Variants in NRXN3 observed in about 807,000 individuals in gnomAD.
NRXN3 encodes neurexin 3, also known as neurexin III.
Under a neutral mutation model 137.6 loss-of-function variants are expected in NRXN3, and 32 were observed. The observed-to-expected ratio is 0.23, with a 90% CI of 0.18 to 0.31. The LOEUF is 0.31. Among genes scored for constraint, NRXN3 ranks in the 10% least tolerant of loss-of-function variants. The pLI is 1.00. For missense variants in NRXN3, 1,574 were observed against 2,062.5 expected, an observed-to-expected ratio of 0.76 and a Z score of 4.59; for synonymous variants, 798 against 784.5, an observed-to-expected ratio of 1.02 and a Z score of -0.29.
chr14:78,388,392 A>G (rs1395695711), intron 4 of NRXN3, among the ~76,000 whole-genome samples: 1 of 152,212 alleles, frequency 6.6e-6, no homozygotes, highest in African/African-American at 2.4e-5. Context: ...ACTACTGATA[A>G]GGAAATTTTG....
intron 15 of NRXN3, among the ~76,000 whole-genome samples, chr14:79,372,000 C>T (rs1453424478): frequency 6.6e-6 from 1 of 152,146 alleles, no homozygotes; most frequent in Non-Finnish European, 1.5e-5. Context: ...TATCTTTTCT[C>T]ACTTTACTTC....
chr14:79,807,187 C>A (rs1024829601), intron 20 of NRXN3, among the ~76,000 whole-genome samples: 6 of 151,582 alleles, frequency 4.0e-5, no homozygotes, highest in Non-Finnish European at 7.4e-5. Flanking sequence ...GTTGCTCAGG[C>A]TGGTCTCGAG....
At chr14:78,211,770 G>A (rs930293945) in intron 1 of NRXN3, among the ~76,000 whole-genome samples, 12 of 152,180 alleles carry the variant, frequency 7.9e-5, no homozygotes, top group Admixed American at 7.2e-4. Flanking sequence ...CAAGAGGGAG[G>A]GCAGACAGGG....
chr14:78,410,808 T>C (rs772504987), intron 4 of NRXN3, among the ~76,000 whole-genome samples: 3 of 152,208 alleles, frequency 2.0e-5, no homozygotes, highest in African/African-American at 2.4e-5. Flanking sequence ...GATATTATTA[T>C]ATATGGGGTT....
chr14:78,366,499 A>G (rs1373646509), intron 4 of NRXN3, among the ~76,000 whole-genome samples: 2 of 152,210 alleles, frequency 1.3e-5, no homozygotes, highest in Non-Finnish European at 2.9e-5. Context: ...TCCACTATTC[A>G]GACACAATGA....
At chr14:78,839,025 G>A (rs555180734) in intron 10 of NRXN3, among the ~76,000 whole-genome samples, 6 of 152,218 alleles carry the variant, frequency 3.9e-5, no homozygotes, top group African/African-American at 1.4e-4. Flanking sequence ...GTTGGTGAGT[G>A]GATGCTTTCT....
intron 16 of NRXN3, among the ~76,000 whole-genome samples, chr14:79,629,811 G>A (rs995971182): frequency 1.2e-5 from 1 of 84,118 alleles, no homozygotes; most frequent in Non-Finnish European, 2.4e-5. Context: ...GTGTGTGTAT[G>A]TGCGTGTGTG....
At chr14:79,287,136 A>C (rs1391581850) in intron 15 of NRXN3, among the ~76,000 whole-genome samples, 1 of 152,176 alleles carries the variant, frequency 6.6e-6, no homozygotes, top group Non-Finnish European at 1.5e-5. Context: ...CTATCTATAC[A>C]TACACTTTTT....
intron 16 of NRXN3, among the ~76,000 whole-genome samples, chr14:79,662,334 A>G (rs972966389): frequency 2.6e-5 from 4 of 152,178 alleles, no homozygotes; most frequent in Non-Finnish European, 4.4e-5. Context: ...CTGCAATGCT[A>G]TGTCTTTCCA....
chr14:79,508,983 A>G (rs2096906427), intron 16 of NRXN3, among the ~76,000 whole-genome samples: 1 of 151,872 alleles, frequency 6.6e-6, no homozygotes, highest in African/African-American at 2.4e-5. Context: ...TTTGAGGATC[A>G]CAGGAGTTTG....
chr14:78,878,446 A>C (rs2099119132), intron 10 of NRXN3, among the ~76,000 whole-genome samples: 2 of 152,194 alleles, frequency 1.3e-5, no homozygotes, highest in East Asian at 3.9e-4. Context: ...TGTGATGCAA[A>C]ATGAATTTCT....
intron 1 of NRXN3, among the ~76,000 whole-genome samples, chr14:78,228,053 C>T (rs1407395878): frequency 6.6e-6 from 1 of 151,844 alleles, no homozygotes; most frequent in Non-Finnish European, 1.5e-5. Context: ...GTTAAATTGC[C>T]AAGGGTATGG....
chr14:79,348,669 G>A (rs1227289336), intron 15 of NRXN3, among the ~76,000 whole-genome samples: 1 of 152,244 alleles, frequency 6.6e-6, no homozygotes, highest in South Asian at 2.1e-4. Context: ...AAGCCACCGC[G>A]CCCGGCCTAA....
intron 15 of NRXN3, among the ~76,000 whole-genome samples, chr14:79,325,233 C>A (rs1272599440): frequency 6.6e-6 from 1 of 152,006 alleles, no homozygotes; most frequent in Non-Finnish European, 1.5e-5. Context: ...TTGTGGTTTT[C>A]TGACCCTGGA....
chr14:79,365,006 G>A (rs113030668), intron 15 of NRXN3, among the ~76,000 whole-genome samples: 2,760 of 152,202 alleles, frequency 0.018, 44 homozygotes, highest in Non-Finnish European at 0.03. Context: ...TATAAATAAA[G>A]TCTCAAACAG....
intron 4 of NRXN3, among the ~76,000 whole-genome samples, chr14:78,364,049 A>G (rs1442965690): frequency 6.6e-6 from 1 of 152,244 alleles, no homozygotes; most frequent in African/African-American, 2.4e-5. Flanking sequence ...GGATATCATA[A>G]CTTGTAGCCC....
intron 4 of NRXN3, among the ~76,000 whole-genome samples, chr14:78,500,665 A>G (rs776533677): frequency 2.6e-4 from 40 of 152,272 alleles, no homozygotes; most frequent in Middle Eastern, 3.4e-3. Context: ...ATCTCACCTT[A>G]GGGTCCTAAG....
At chr14:78,995,412 A>G (rs117264262) in intron 15 of NRXN3, among the ~76,000 whole-genome samples, 1 of 152,316 alleles carries the variant, frequency 6.6e-6, no homozygotes, top group Non-Finnish European at 1.5e-5. Flanking sequence ...ACGGTGGACG[A>G]GACCACTAAT....
intron 20 of NRXN3, among the ~76,000 whole-genome samples, chr14:79,834,446 A>G (rs1297022564): frequency 6.6e-6 from 1 of 152,162 alleles, no homozygotes; most frequent in Non-Finnish European, 1.5e-5. Flanking sequence ...TCCATTTCTC[A>G]CACCAACCAT....
Sources: gnomAD v4.1 joint callset for allele counts (sites outside exome capture counted in the v4.1 genomes callset) on GRCh38, gnomAD v4.1.1 for gene constraint, MANE v1.5 for transcripts, NCBI Gene and HGNC (gene_info 2026-07-23, HGNC 2026-07-21) for gene names.